Variants in ECSIT observed in about 807,000 individuals in gnomAD.
ECSIT encodes the protein evolutionarily conserved signaling intermediate in Toll pathway, mitochondrial.
A neutral mutation model predicts 36.8 loss-of-function variants in ECSIT; 29 were observed. The ratio of observed to expected loss-of-function variants is 0.79; its 90% confidence interval spans 0.59 to 1.08. The LOEUF (loss-of-function observed/expected upper bound fraction) is 1.08, where lower values mean the gene tolerates loss of function less well. Among genes scored for constraint, ECSIT ranks in the 50% least tolerant of loss-of-function variants. The pLI is 0.00. For missense variants in ECSIT, 542 were observed against 581.0 expected, an observed-to-expected ratio of 0.93 and a Z score of 0.69; for synonymous variants, 231 against 234.8, an observed-to-expected ratio of 0.98 and a Z score of 0.15.
In ECSIT at chr19:11,507,783, C is replaced by T. The variant is rs745757677; in HGVS notation, c.864G>A (p.Glu288=). ...RHNPARPVFV[E]GPFSLWLRNK... The stretch of plus-strand genomic sequence containing the variant: ...TGCGGAGCCACAGGGAGAAGGGGCC[C>T]TCAACAAAGACAGGCCGGGCTGGAT... The change falls in exon 6 of 8, where the codon GAG becomes GAA. Residue 288 remains glutamate, a synonymous_variant. Coordinates refer to ENST00000270517, the MANE Select transcript of ECSIT (RefSeq NM_016581.5). The T allele has an allele frequency of 3.1e-6, 5 of 1,614,126 alleles. No individual in the cohort carries two copies. In the East Asian group the frequency reaches 1.1e-4, roughly 36 times the overall value.
At chr19:11,508,916 A>C (rs1418117977) in intron 4 of ECSIT, among the ~76,000 whole-genome samples, 1 of 152,244 alleles carries the variant, frequency 6.6e-6, no homozygotes, top group Non-Finnish European at 1.5e-5. Context: ...GAATTAAAAA[A>C]AGAAAAATAA....
intron 2 of ECSIT, among the ~76,000 whole-genome samples, chr19:11,515,875 G>A (rs886206879): frequency 2.0e-5 from 3 of 151,798 alleles, no homozygotes; most frequent in African/African-American, 4.8e-5. Context: ...CTTGTGATCC[G>A]CCCACCTCGG....
At position 11,506,102 on chromosome 19, in the gene ECSIT, T is replaced by A; in HGVS notation, c.*82A>T. ...GAGCCCCAAGCAGGAAAACATTGAT[T>A]TGCTGTACACTCAAAGGGCATCTCA... is the stretch of plus-strand genomic sequence containing the variant. On this transcript the variant is annotated 3_prime_UTR_variant, in exon 8 of 8. Transcript: ENST00000270517. The A allele has an allele frequency of 1.9e-6, 3 of 1,550,700 alleles. No individual in the cohort carries two copies. Among genetic ancestry groups the A allele is most frequent in the Non-Finnish European group, 2.6e-6 (3 of 1,152,572 alleles).
In ECSIT at chr19:11,519,115, C is replaced by T. The variant is rs1484600958; in HGVS notation, c.56G>A (p.Gly19Asp). ...TCCTGTGAGGGCGGCCCCGCAGGTG[C>T]CTCCCCAGGCCCTACAGAGGCCTCG... The part of the protein sequence containing the change: ...LARGLCRAWG[G>D]TCGAALTGTS... The change falls in exon 2 of 8, where the codon GGC (glycine) becomes GAC (aspartate). Residue 19 changes from glycine to aspartate, a missense_variant. By Grantham distance (94) the Gly-to-Asp change is moderately conservative. Coordinates refer to ENST00000270517, the MANE Select transcript of ECSIT (RefSeq NM_016581.5). This position sits in a 1 kb window ranked among gnomAD's most constrained non-coding sequence, Gnocchi z 4.4. 7 of 1,551,158 alleles carry T rather than the reference C, an allele frequency of 4.5e-6. No homozygotes were observed. The East Asian group carries it at 1.7e-4, about 38-fold the overall frequency.
At position 11,511,920 on chromosome 19, in the gene ECSIT, C is replaced by T. The variant is rs1020834545; in HGVS notation, c.738+1136G>A. On this transcript the variant is annotated intron_variant, in intron 4 of 7. Transcript: ENST00000270517. ...TGGTGGTGCATGCCTGTAATCCCAGCTACTTGGGAGGCTGAGGCAGGAGAA... is the reference window on the plus strand; with the variant it reads ...TGGTGGTGCATGCCTGTAATCCCAGTTACTTGGGAGGCTGAGGCAGGAGAA... Among the ~76,000 whole-genome samples the T allele has an allele frequency of 2.0e-5, 3 of 151,996 alleles. No homozygotes were observed. In the East Asian group the frequency reaches 5.8e-4, roughly 29 times the overall value.
intron 1 of ECSIT, among the ~76,000 whole-genome samples, chr19:11,524,230 G>T (rs1415657849): frequency 6.6e-6 from 1 of 151,680 alleles, no homozygotes; most frequent in South Asian, 2.1e-4. Context: ...GGATTTTGGG[G>T]GTGTCAAAAG....
rs1266734425 is a variant in ECSIT at position 11,519,043 on chromosome 19, T to C, written c.96+32A>G. 1 of 1,536,494 alleles carries C rather than the reference T, an allele frequency of 6.5e-7. No individual in the cohort carries two copies. The highest frequency in any genetic ancestry group is 8.8e-7 in the Non-Finnish European group (1 of 1,133,234). On this transcript the variant is annotated intron_variant, in intron 2 of 7. Transcript: ENST00000270517. The surrounding 1 kb of genome is among the most constrained non-coding windows in gnomAD (Gnocchi z 4.4). ...GGAGCAAATCCCAAGCTTACCTCCCTCTACCCAAAAGACTGCCTGGCTGGT... is the reference window on the plus strand; with the variant it reads ...GGAGCAAATCCCAAGCTTACCTCCCCCTACCCAAAAGACTGCCTGGCTGGT...
Position 11,506,346 on chromosome 19 carries a change from C to T in ECSIT, c.1134G>A (p.Gln378=), listed in dbSNP as rs771304747. The change falls in exon 8 of 8, where the codon CAG becomes CAA. Residue 378 remains glutamine (Q), a synonymous_variant. Coordinates refer to ENST00000270517, the MANE Select transcript of ECSIT (RefSeq NM_016581.5). The stretch of plus-strand genomic sequence containing the variant: ...TCTGGGCCAGGGTTGGGTTGGTCTC[C>T]TGCAGGCCCTGGATCCACTTAGCCA... The part of the protein sequence containing the change: ...ATMAKWIQGL[Q]ETNPTLAQIP... 3.7e-6 allele frequency: 6 copies of T among 1,613,656 alleles called. No individual in the cohort carries two copies. Among genetic ancestry groups the T allele is most frequent in the Non-Finnish European group, 5.1e-6 (6 of 1,179,886 alleles).
intron 1 of ECSIT, chr19:11,522,341 A>G (rs772940256): frequency 1.3e-5 from 10 of 752,068 alleles, no homozygotes; most frequent in Non-Finnish European, 2.1e-5. Context: ...CATTCCATCC[A>G]GATCATGAAG....
At chr19:11,526,781 G>A (rs567767445) in intron 1 of ECSIT, among the ~76,000 whole-genome samples, 9 of 149,120 alleles carry the variant, frequency 6.0e-5, no homozygotes, top group South Asian at 2.1e-4. Flanking sequence ...GTGCAATGGC[G>A]CATCTCGGCT....
At chr19:11,524,805 C>CAT (rs1972179995) in intron 1 of ECSIT, among the ~76,000 whole-genome samples, 1 of 151,964 alleles carries the variant, frequency 6.6e-6, no homozygotes, top group Non-Finnish European at 1.5e-5. Context: ...GCTTGGGTGA[C>CAT]AGAGTGAGAC....
At chr19:11,527,664 C>T (rs1056857875) in intron 1 of ECSIT, among the ~76,000 whole-genome samples, 1 of 152,196 alleles carries the variant, frequency 6.6e-6, no homozygotes, top group African/African-American at 2.4e-5. Flanking sequence ...TGCACTCTAG[C>T]CTGGGCAACA....
In ECSIT at chr19:11,514,076, C is replaced by A; in HGVS notation, c.242G>T (p.Gly81Val). ...GAAGCTCGCCTTGTCCCGTTCCCCA[C>A]CAGGCGCCTGCCCAAACAGGTCCTC... ...PFEDLFGQAP[G>V]GERDKASFLQ... The change falls in exon 3 of 8, where the codon GGT (glycine) becomes GTT (valine). Residue 81 changes from glycine to valine, a missense_variant. Physicochemically the swap from Gly to Val is moderately radical, Grantham distance 109 (BLOSUM62 -3). Transcript: ENST00000270517. The A allele has an allele frequency of 6.2e-7, 1 of 1,614,182 alleles. No individual in the cohort carries two copies. The highest frequency in any genetic ancestry group is 8.5e-7 in the Non-Finnish European group (1 of 1,180,000).
intron 4 of ECSIT, among the ~76,000 whole-genome samples, chr19:11,509,798 C>T (rs1971834097): frequency 6.6e-6 from 1 of 151,842 alleles, no homozygotes; most frequent in African/African-American, 2.4e-5. Context: ...TGAGATGGAT[C>T]AGTGACTTCT....
At chr19:11,527,966 C>T (rs1972249364) in intron 1 of ECSIT, among the ~76,000 whole-genome samples, 1 of 152,150 alleles carries the variant, frequency 6.6e-6, no homozygotes, top group South Asian at 2.1e-4. Flanking sequence ...CACCACTGCA[C>T]TCCAGGCTTG....
intron 2 of ECSIT, among the ~76,000 whole-genome samples, chr19:11,518,148 C>T (rs1479985805): frequency 6.6e-6 from 1 of 151,968 alleles, no homozygotes; most frequent in Non-Finnish European, 1.5e-5. Flanking sequence ...AATTAGCGGC[C>T]GGGTGCGGTG....
Position 11,507,476 on chromosome 19 carries a change from G to C in ECSIT, c.1032C>G (p.Tyr344Ter). ...TTTTACCTTCATTGATGTCAAACTC[G>C]TAGTTGTCCCAGCCACTCCTCACAT... ...LEYVRSGWDN[Y>*]EFDINEVEEG... The change falls in exon 7 of 8, where the codon TAC becomes TAG. Residue 344 changes from tyrosine (Y) to a stop codon, truncating the protein, a stop_gained. Coordinates refer to ENST00000270517, the MANE Select transcript of ECSIT (RefSeq NM_016581.5). LOFTEE classifies it low-confidence loss of function (END_TRUNC). 1 of 1,613,870 alleles carries C rather than the reference G, an allele frequency of 6.2e-7. No individual in the cohort carries two copies. The highest frequency in any genetic ancestry group is 8.5e-7 in the Non-Finnish European group (1 of 1,179,954).
chr19:11,509,184 T>C (rs149959265), intron 4 of ECSIT, among the ~76,000 whole-genome samples: 4,844 of 151,516 alleles, frequency 0.032, 109 homozygotes, highest in East Asian at 0.077. Context: ...GTGATTCTGC[T>C]GCCTCAGCCT....
intron 2 of ECSIT, among the ~76,000 whole-genome samples, chr19:11,517,623 T>G (rs185841764): frequency 6.6e-6 from 1 of 151,842 alleles, no homozygotes; most frequent in Non-Finnish European, 1.5e-5. Context: ...GAAATTTCAG[T>G]CAATTAATAA....
Sources: gnomAD v4.1 joint callset for allele counts (sites outside exome capture counted in the v4.1 genomes callset) on GRCh38, gnomAD v4.1.1 for gene constraint, Gnocchi (gnomAD v3.1) non-coding constraint, MANE v1.5 for transcripts, NCBI Gene and HGNC (gene_info 2026-07-23, HGNC 2026-07-21) for gene names.